TECPR1: variants seen among roughly 807,000 people sequenced by gnomAD.
The protein encoded by TECPR1 is tectonin beta-propeller repeat containing 1.
A neutral mutation model predicts 162.4 loss-of-function variants in TECPR1; 122 were observed. The observed-to-expected ratio is 0.75, with a 90% CI of 0.65 to 0.87. The LOEUF (loss-of-function observed/expected upper bound fraction) is 0.87, where lower values mean the gene tolerates loss of function less well. Ranked by LOEUF, TECPR1 falls within the 40% of genes least tolerant of loss-of-function variation. The pLI, the probability that TECPR1 is intolerant of heterozygous loss-of-function variation, is 0.00. For synonymous variants in TECPR1, 642 were observed against 670.6 expected (o/e 0.96, Z 0.66); for missense variants, 1,432 against 1,618.2 (o/e 0.88, Z 1.97).
At position 98,231,106 on chromosome 7, in the gene TECPR1, T is replaced by A; in HGVS notation, c.2137A>T (p.Ser713Cys). 6.2e-7 allele frequency: 1 copy of A among 1,601,884 alleles called. No individual in the cohort carries two copies. Among genetic ancestry groups the A allele is most frequent in the Non-Finnish European group, 8.5e-7 (1 of 1,175,428 alleles). The change falls in exon 15 of 26, where the codon AGC becomes TGC. Residue 713 changes from serine (S) to cysteine (C), a missense_variant. By Grantham distance (112) the Ser-to-Cys change is moderately radical. Coordinates refer to ENST00000447648, the MANE Select transcript of TECPR1 (RefSeq NM_015395.3). ...QDMNDWLALLSLSCCESRKVQ... is the reference protein window; with the variant it reads ...QDMNDWLALLCLSCCESRKVQ... ...TTCCGGCTCTCGCAGCAAGACAGGCTGAGCAGGGCGAGCTGGTGTGGCACA... is the reference window on the plus strand; with the variant it reads ...TTCCGGCTCTCGCAGCAAGACAGGCAGAGCAGGGCGAGCTGGTGTGGCACA...
intron 8 of TECPR1, 116 bp downstream of exon 8, chr7:98,240,735 A>C: frequency 1.1e-6 from 1 of 897,662 alleles, no homozygotes; most frequent in Non-Finnish European, 1.6e-6. Flanking sequence ...TTTTTTTTTA[A>C]TTTGAGACAG....
chr7:98,231,431 G>T, intron 13 of TECPR1, 58 bp from the exon 14 acceptor site: 4 of 1,531,284 alleles, frequency 2.6e-6, no homozygotes, highest in Non-Finnish European at 1.8e-6. Context: ...GCCTCTGGAG[G>T]GTGACCCCCA....
chr7:98,236,082 G>A (rs559898141), intron 10 of TECPR1, among the ~76,000 whole-genome samples: 2 of 152,246 alleles, frequency 1.3e-5, no homozygotes, highest in African/African-American at 4.8e-5. Flanking sequence ...ATGTGGACAC[G>A]CCCGCTGCAG....
intron 10 of TECPR1, 42 bp from the exon 11 acceptor site, chr7:98,233,953 G>A (rs1200162037): frequency 1.4e-6 from 2 of 1,469,304 alleles, no homozygotes; most frequent in South Asian, 2.8e-5. Context: ...CCTTGCAGGG[G>A]AACAGGCGCT....
chr7:98,243,706 C>T, intron 5 of TECPR1, 114 bp from the exon 6 acceptor site: 1 of 1,368,866 alleles, frequency 7.3e-7, no homozygotes, highest in Non-Finnish European at 9.8e-7. Context: ...CAGCCTGCAG[C>T]TGCCTTAATT....
chr7:98,228,739 G>A, intron 16 of TECPR1: 1 of 315,846 alleles, frequency 3.2e-6, no homozygotes, highest in East Asian at 5.3e-5. Context: ...GGCCACAGAA[G>A]TTCAGCGAGT....
intron 9 of TECPR1, among the ~76,000 whole-genome samples, chr7:98,237,339 G>A (rs1040438419): frequency 2.2e-4 from 34 of 152,292 alleles, no homozygotes; most frequent in African/African-American, 7.0e-4. Flanking sequence ...TGTCACCCAG[G>A]CTGGAGTGCA....
intron 23 of TECPR1, among the ~76,000 whole-genome samples, chr7:98,218,690 C>A (rs1016407845): frequency 6.6e-6 from 1 of 152,036 alleles, no homozygotes; most frequent in Admixed American, 6.6e-5. Flanking sequence ...AGGAGAACTA[C>A]AAAACACTGC....
intron 5 of TECPR1, among the ~76,000 whole-genome samples, chr7:98,243,824 G>T (rs943435969): frequency 6.6e-6 from 1 of 152,126 alleles, no homozygotes; most frequent in Non-Finnish European, 1.5e-5. Flanking sequence ...TCAAACTCCC[G>T]GCCTCAAGTG....
intron 11 of TECPR1, 80 bp from the exon 12 acceptor site, chr7:98,233,052 C>G (rs754122663): frequency 8.9e-6 from 13 of 1,463,488 alleles, no homozygotes; most frequent in Non-Finnish European, 1.2e-5. Flanking sequence ...TCCCCTCCAC[C>G]AAATCAGCCC....
Position 98,215,068 on chromosome 7 carries a change from A to G in TECPR1, c.*2322T>C, listed in dbSNP as rs1293613313. 1 of 152,224 alleles carries G rather than the reference A, an allele frequency of 6.6e-6. No individual in the cohort carries two copies. 9.4% of individuals were successfully genotyped at this position (152,224 alleles called of 1,614,324 possible). A position where few individuals can be genotyped will look rare whatever the true frequency, so the allele number is the denominator to read the frequency against. ...GGCCGGATCCTTTTATCCCGTGGGG[A>G]GCCCCTGCCTCGGCCATCGGGATGA... On this transcript the variant is annotated 3_prime_UTR_variant, in exon 26 of 26. Coordinates refer to ENST00000447648, the MANE Select transcript of TECPR1 (RefSeq NM_015395.3).
chr7:98,226,178 G>C (rs540270543), intron 17 of TECPR1, among the ~76,000 whole-genome samples: 1 of 152,232 alleles, frequency 6.6e-6, no homozygotes, highest in Non-Finnish European at 1.5e-5. Flanking sequence ...CGTGAGGAGG[G>C]AGTGGAGATC....
chr7:98,237,332 C>T (rs1339137411), intron 9 of TECPR1, among the ~76,000 whole-genome samples: 2 of 152,108 alleles, frequency 1.3e-5, no homozygotes, highest in Admixed American at 1.3e-4. Flanking sequence ...CTTGCTCTGT[C>T]ACCCAGGCTG....
At chr7:98,228,223 G>C in intron 16 of TECPR1, 107 bp from the exon 17 acceptor site, 1 of 881,802 alleles carries the variant, frequency 1.1e-6, no homozygotes, top group Non-Finnish European at 1.8e-6. Context: ...GGGCGGGCTG[G>C]AGCCAGGTCA....
intron 2 of TECPR1, among the ~76,000 whole-genome samples, chr7:98,248,274 C>T (rs565616811): frequency 1.1e-4 from 17 of 152,286 alleles, no homozygotes; most frequent in African/African-American, 1.9e-4. Flanking sequence ...AAGCTCTGCC[C>T]GACAGGGCGG....
At chr7:98,223,359 G>T (rs1399175316) in intron 20 of TECPR1, among the ~76,000 whole-genome samples, 189 bp from the exon 21 acceptor site, 1 of 34,740 alleles carries the variant, frequency 2.9e-5, no homozygotes, top group Non-Finnish European at 5.6e-5. Flanking sequence ...CCCACCCCCA[G>T]CCCCAGCCAG....
At chr7:98,222,935 G>T in intron 21 of TECPR1, 55 bp downstream of exon 21, 1 of 1,591,020 alleles carries the variant, frequency 6.3e-7, no homozygotes, top group East Asian at 2.3e-5. Flanking sequence ...AGCCCTGCCG[G>T]ACTCCAGAGC....
At chr7:98,233,062 CT>C in intron 11 of TECPR1, 90 bp from the exon 12 acceptor site, 2 of 1,428,356 alleles carry the variant, frequency 1.4e-6, no homozygotes, top group Middle Eastern at 2.5e-4. Context: ...CAAATCAGCC[CT>C]TTCTAGCTCA....
chr7:98,230,933 G>A lies in TECPR1; in HGVS notation c.2282+28C>T, dbSNP rs184807381. 4 of 1,599,240 alleles carry A rather than the reference G, an allele frequency of 2.5e-6. No individual in the cohort carries two copies. The East Asian group carries it at 9.0e-5, about 36-fold the overall frequency. On this transcript the variant is annotated intron_variant, in intron 15 of 25. Transcript: ENST00000447648. ...GAGCTCGGGGTGAGGCCAGGCCCCA[G>A]ACCCCACCCAGAGTGCGGCTCACTC...
Sources: allele counts gnomAD v4.1 joint callset (sites outside exome capture counted in the v4.1 genomes callset), GRCh38; gene constraint gnomAD v4.1.1; transcripts MANE v1.5; gene names NCBI Gene and HGNC (gene_info 2026-07-23, HGNC 2026-07-21).